MYO5C: variants seen among roughly 807,000 people sequenced by gnomAD.
MYO5C encodes myosin VC.
In MYO5C, 194 loss-of-function variants were observed where a neutral mutation model predicts 235.7. The observed-to-expected ratio is 0.82, with a 90% CI of 0.73 to 0.93. The LOEUF is 0.93. Among genes scored for constraint, MYO5C ranks in the 40% least tolerant of loss-of-function variants. MYO5C has a pLI of 0.00. For missense variants in MYO5C, 2,038 were observed against 2,127.2 expected (o/e 0.96, Z 0.82); for synonymous variants, 707 against 754.8 (o/e 0.94, Z 1.04).
chr15:52,275,580 T>C lies in MYO5C; in HGVS notation c.588A>G (p.Ala196=), dbSNP rs772835354. 1 of 1,614,212 alleles carries C rather than the reference T, an allele frequency of 6.2e-7. No individual in the cohort carries two copies. Among genetic ancestry groups the C allele is most frequent in the Non-Finnish European group, 8.5e-7 (1 of 1,180,046 alleles). ...TACGCACCTCGGTGATGGGATTGGA[T>C]GCCAGGACCTTGTCTTCCACGTGAG... is the stretch of plus-strand genomic sequence containing the variant. ...SNAHVEDKVL[A]SNPITEAVGN... Residue 196 remains alanine (A), a synonymous_variant, in exon 5 of 41, where the codon GCA becomes GCG. Coordinates refer to ENST00000261839, the MANE Select transcript of MYO5C (RefSeq NM_018728.4).
intron 23 of MYO5C, among the ~76,000 whole-genome samples, chr15:52,234,428 T>G (rs1287988107): frequency 6.6e-6 from 1 of 152,212 alleles, no homozygotes; most frequent in Admixed American, 6.5e-5. Context: ...AACATAATTT[T>G]CAGGTTATAT....
At chr15:52,204,761 G>A (rs2035263477) in intron 38 of MYO5C, 104 bp downstream of exon 38, 37 of 1,360,338 alleles carry the variant, frequency 2.7e-5, no homozygotes, top group Non-Finnish European at 3.4e-5. Context: ...GCCTAAACAG[G>A]GGTTTGACGC....
intron 16 of MYO5C, 109 bp from the exon 17 acceptor site, chr15:52,246,151 C>G: frequency 1.3e-6 from 1 of 785,874 alleles, no homozygotes; most frequent in South Asian, 1.5e-5. Flanking sequence ...AGGTACCCAG[C>G]AGATACTTAA....
At chr15:52,272,927 G>A (rs1474489994) in intron 5 of MYO5C, among the ~76,000 whole-genome samples, 1 of 152,204 alleles carries the variant, frequency 6.6e-6, no homozygotes, top group East Asian at 1.9e-4. Flanking sequence ...GGTTCTCCTT[G>A]GTCCCACTGG....
intron 35 of MYO5C, among the ~76,000 whole-genome samples, chr15:52,210,577 AT>A (rs1226089995): frequency 6.6e-6 from 1 of 152,158 alleles, no homozygotes; most frequent in Non-Finnish European, 1.5e-5. Flanking sequence ...GGCTAATGGA[AT>A]TTCCACATTC....
Position 52,247,477 on chromosome 15 carries a change from C to T in MYO5C, c.1862G>A (p.Arg621Gln), listed in dbSNP as rs762402001. 6.8e-6 allele frequency: 11 copies of T among 1,614,104 alleles called. No individual in the cohort carries two copies. The highest frequency in any genetic ancestry group is 1.6e-4 in the Middle Eastern group (1 of 6,062). The change falls in exon 15 of 41, where the codon CGG (arginine) becomes CAG (glutamine). Residue 621 changes from arginine to glutamine, a missense_variant. Arg to Gln is a conservative substitution (Grantham distance 43). Transcript: ENST00000261839. Reference protein sequence around the residue: ...QVIKPNSKHFRTTVGSKFRSS... With the variant: ...QVIKPNSKHFQTTVGSKFRSS... ...CAGTACCTTGCTCCCAACTGTGGTCCGGAAATGCTTGCTGTTTGGCTTGAT... is the reference window on the plus strand; with the variant it reads ...CAGTACCTTGCTCCCAACTGTGGTCTGGAAATGCTTGCTGTTTGGCTTGAT...
chr15:52,196,521 G>C, intron 38 of MYO5C, 38 bp from the exon 39 acceptor site: 1 of 1,590,132 alleles, frequency 6.3e-7, no homozygotes, highest in Non-Finnish European at 8.6e-7. Context: ...ATACTTTAGG[G>C]AAGGGTGCCA....
At chr15:52,198,363 C>T (rs2035103031) in intron 38 of MYO5C, among the ~76,000 whole-genome samples, 1 of 152,092 alleles carries the variant, frequency 6.6e-6, no homozygotes, top group South Asian at 2.1e-4. Context: ...CCAGCTGTGA[C>T]CTTAAGGATT....
intron 23 of MYO5C, among the ~76,000 whole-genome samples, chr15:52,234,741 G>A (rs1489213166): frequency 6.6e-6 from 1 of 152,164 alleles, no homozygotes; most frequent in East Asian, 1.9e-4. Flanking sequence ...TCCTGCCCCA[G>A]TGCCCTGGTG....
At chr15:52,293,237 G>C (rs1365623084) in intron 1 of MYO5C, among the ~76,000 whole-genome samples, 1 of 152,114 alleles carries the variant, frequency 6.6e-6, no homozygotes, top group African/African-American at 2.4e-5. Flanking sequence ...CAGCTCCCCT[G>C]TTAGCTCCTC....
At chr15:52,256,537 A>G (rs2036582079) in intron 11 of MYO5C, 102 bp downstream of exon 11, 1 of 834,778 alleles carries the variant, frequency 1.2e-6, no homozygotes, top group Admixed American at 2.5e-5. Flanking sequence ...TGCAACCTCA[A>G]GAAAGAAGAA....
At chr15:52,291,736 T>TTTTTTTTTTTGTTTTG (rs1391683028) in intron 1 of MYO5C, among the ~76,000 whole-genome samples, 39 of 71,404 alleles carry the variant, frequency 5.5e-4, no homozygotes, top group African/African-American at 1.5e-3. Context: ...TTTATGTTTT[T>TTTTTTTTTTTGTTTTG]TTTTTTTTTT....
At chr15:52,271,937 G>A (rs539511716) in intron 6 of MYO5C, 93 bp from the exon 7 acceptor site, 33 of 661,054 alleles carry the variant, frequency 5.0e-5, no homozygotes, top group South Asian at 3.1e-4. Flanking sequence ...TATCTAATCC[G>A]CATGGATAAT....
chr15:52,205,653 T>C, intron 37 of MYO5C, 163 bp downstream of exon 37: 1 of 451,312 alleles, frequency 2.2e-6, no homozygotes, highest in Non-Finnish European at 3.8e-6. Context: ...TATGGAATCA[T>C]TATAAGCAAG....
chr15:52,284,240 A>G (rs531083976), intron 1 of MYO5C, among the ~76,000 whole-genome samples: 249 of 152,166 alleles, frequency 1.6e-3, no homozygotes, highest in African/African-American at 5.9e-3. Context: ...GAATACCCAT[A>G]CAATGAAATA....
intron 10 of MYO5C, among the ~76,000 whole-genome samples, chr15:52,259,177 T>C (rs986303875): frequency 6.6e-6 from 1 of 152,042 alleles, no homozygotes; most frequent in East Asian, 1.9e-4. Flanking sequence ...TCCCAGCACT[T>C]TGGGAGGCCG....
At position 52,211,743 on chromosome 15, in the gene MYO5C, T is replaced by A; in HGVS notation, c.4283A>T (p.Lys1428Met). The change falls in exon 35 of 41, where the codon AAG (lysine) becomes ATG (methionine). Residue 1428 changes from lysine (K) to methionine (M), a missense_variant. Physicochemically the swap from Lys to Met is moderately conservative, Grantham distance 95 (BLOSUM62 -1). Transcript: ENST00000261839. ...SLMNSTINGI[K>M]QVVKEHLEDF... is the part of the protein sequence containing the mutation. ...GGCATTTCCTACCTTAACCACCTGC[T>A]TGATGCCATTAATGGTGCTGTTCAT... The A allele has an allele frequency of 6.2e-7, 1 of 1,613,882 alleles. No homozygotes were observed. Among genetic ancestry groups the A allele is most frequent in the Non-Finnish European group, 8.5e-7 (1 of 1,179,820 alleles).
chr15:52,216,379 T>TA (rs1195653419), intron 32 of MYO5C, among the ~76,000 whole-genome samples: 3 of 152,088 alleles, frequency 2.0e-5, no homozygotes, highest in Non-Finnish European at 4.4e-5. Flanking sequence ...TATATATATA[T>TA]TTTTAAAGTT....
intron 35 of MYO5C, among the ~76,000 whole-genome samples, chr15:52,209,255 A>G (rs1225147866): frequency 6.6e-6 from 1 of 152,178 alleles, no homozygotes; most frequent in Non-Finnish European, 1.5e-5. Context: ...TTTCAAGGAG[A>G]TGGTGCTAAT....
Sources: gnomAD v4.1 joint callset for allele counts (sites outside exome capture counted in the v4.1 genomes callset) on GRCh38, gnomAD v4.1.1 for gene constraint, MANE v1.5 for transcripts, NCBI Gene and HGNC (gene_info 2026-07-23, HGNC 2026-07-21) for gene names.